The following TCERG1L variants were observed in gnomAD, a reference collection of about 807,000 sequenced individuals.
The protein encoded by TCERG1L is transcription elongation regulator 1-like protein.
TCERG1L carries 37 observed loss-of-function variants against 56.3 expected under a neutral mutation model. That is an observed-to-expected ratio of 0.66 (90% CI 0.51 to 0.87). The LOEUF (loss-of-function observed/expected upper bound fraction) is 0.87, where lower values mean the gene tolerates loss of function less well. TCERG1L is among the 40% of genes least tolerant of loss of function. The probability of loss-of-function intolerance (pLI) is 0.00; values close to 1 mark genes in which losing one functional copy is unlikely to be tolerated. For missense variants in TCERG1L, 799 were observed against 774.2 expected (o/e 1.03, Z -0.38); for synonymous variants, 324 against 326.3 (o/e 0.99, Z 0.08).
At chr10:131,165,221 G>A (rs889527568) in intron 5 of TCERG1L, among the ~76,000 whole-genome samples, 11 of 152,262 alleles carry the variant, frequency 7.2e-5, no homozygotes, top group African/African-American at 2.6e-4. Flanking sequence ...AGAGATGCCA[G>A]CCCAGAGGGA....
chr10:131,167,522 G>A (rs1467671695), intron 4 of TCERG1L, among the ~76,000 whole-genome samples: 11 of 152,238 alleles, frequency 7.2e-5, no homozygotes, highest in Admixed American at 3.3e-4. Flanking sequence ...TGGGCCACGT[G>A]GGTCACAGAT....
rs1416932865 is a variant in TCERG1L at position 131,305,449 on chromosome 10, G to A, written c.670+2762C>T. ...ATCAACAGTAAGTGAGGGGTGGTCCGGTATTAGTCTCACCCCCATCTCTAC... is the reference window on the plus strand; with the variant it reads ...ATCAACAGTAAGTGAGGGGTGGTCCAGTATTAGTCTCACCCCCATCTCTAC... On this transcript the variant is annotated intron_variant, in intron 3 of 11. Transcript: ENST00000368642. Among the ~76,000 whole-genome samples, 8 of 151,980 alleles carry A rather than the reference G, an allele frequency of 5.3e-5. No homozygotes were observed. In the East Asian group the frequency reaches 1.2e-3, roughly 22 times the overall value.
intron 6 of TCERG1L, among the ~76,000 whole-genome samples, chr10:131,153,615 T>G (rs780806052): frequency 6.6e-6 from 1 of 152,206 alleles, no homozygotes; most frequent in South Asian, 2.1e-4. Flanking sequence ...TTTCCCCAGA[T>G]CCTAGGCCAG....
At chr10:131,223,262 G>A (rs560710711) in intron 4 of TCERG1L, among the ~76,000 whole-genome samples, 39 of 152,308 alleles carry the variant, frequency 2.6e-4, no homozygotes, top group African/African-American at 7.9e-4. Flanking sequence ...GGCCCCCGGG[G>A]CAAACGGCAA....
chr10:131,308,522 A>C, intron 2 of TCERG1L, 131 bp from the exon 3 acceptor site: 1 of 743,594 alleles, frequency 1.3e-6, no homozygotes, highest in South Asian at 1.9e-5. Flanking sequence ...GACTCTATAA[A>C]ACCATCATTC....
At chr10:131,119,587 C>G (rs1467244948) in intron 8 of TCERG1L, among the ~76,000 whole-genome samples, 1 of 152,226 alleles carries the variant, frequency 6.6e-6, no homozygotes, top group Admixed American at 6.5e-5. Context: ...TGTGTTGGAG[C>G]TTATTCAGCA....
intron 3 of TCERG1L, among the ~76,000 whole-genome samples, chr10:131,305,795 T>C (rs577361652): frequency 6.6e-6 from 1 of 152,068 alleles, no homozygotes; most frequent in African/African-American, 2.4e-5. Flanking sequence ...CACTTATTTC[T>C]GAATATAAAA....
At chr10:131,284,481 C>T (rs2918114) in intron 3 of TCERG1L, among the ~76,000 whole-genome samples, 29,086 of 151,484 alleles carry the variant, frequency 0.19, 3,713 homozygotes, top group Non-Finnish European at 0.28. Context: ...AAATATACAA[C>T]CTAAGGATTT....
chr10:131,231,378 C>G (rs1346270888), intron 4 of TCERG1L, among the ~76,000 whole-genome samples: 1 of 152,224 alleles, frequency 6.6e-6, no homozygotes, highest in Non-Finnish European at 1.5e-5. Context: ...CCTCCACAGC[C>G]CCACCCTTAC....
chr10:131,186,978 C>A (rs562163560), intron 4 of TCERG1L, among the ~76,000 whole-genome samples: 48 of 152,300 alleles, frequency 3.2e-4, no homozygotes, highest in Middle Eastern at 6.8e-3. Flanking sequence ...CTGACCTTGA[C>A]CCCACACCTC....
At chr10:131,121,366 C>T (rs1353992207) in intron 8 of TCERG1L, among the ~76,000 whole-genome samples, 1 of 152,198 alleles carries the variant, frequency 6.6e-6, no homozygotes, top group African/African-American at 2.4e-5. Flanking sequence ...GGACCTTACT[C>T]ATGGTAAGAT....
At chr10:131,194,680 G>A (rs1281274143) in intron 4 of TCERG1L, among the ~76,000 whole-genome samples, 2 of 152,026 alleles carry the variant, frequency 1.3e-5, no homozygotes, top group African/African-American at 4.8e-5. Context: ...TTGCACGGTG[G>A]TCTTGTTTGC....
intron 4 of TCERG1L, among the ~76,000 whole-genome samples, chr10:131,188,211 T>A (rs1461573710): frequency 6.6e-6 from 1 of 152,242 alleles, no homozygotes; most frequent in Admixed American, 6.5e-5. Context: ...GTTCCCTGCC[T>A]GTTTCTGATA....
intron 3 of TCERG1L, among the ~76,000 whole-genome samples, chr10:131,277,459 A>G (rs1379274353): frequency 6.6e-6 from 1 of 152,184 alleles, no homozygotes; most frequent in African/African-American, 2.4e-5. Flanking sequence ...TGGCCTAGAC[A>G]TGAGCCACAA....
At chr10:131,278,821 G>A (rs955359877) in intron 3 of TCERG1L, among the ~76,000 whole-genome samples, 4 of 151,968 alleles carry the variant, frequency 2.6e-5, no homozygotes, top group Non-Finnish European at 4.4e-5. Context: ...CAAGGAGGAA[G>A]TGCTCCTCCC....
intron 8 of TCERG1L, among the ~76,000 whole-genome samples, chr10:131,120,086 G>A (rs368607571): frequency 6.6e-6 from 1 of 152,120 alleles, no homozygotes; most frequent in East Asian, 1.9e-4. Flanking sequence ...CTAAGCAGGG[G>A]TGCTCTCTTC....
chr10:131,291,401 C>CTTT lies in TCERG1L; in HGVS notation c.670+16807_670+16809dup, dbSNP rs71009957. 5.5e-3 allele frequency among the ~76,000 whole-genome samples: 203 copies of CTTT among 36,592 alleles called. 72 individuals are homozygous for CTTT. The highest frequency in any genetic ancestry group is 6.5e-3 in the Non-Finnish European group (127 of 19,564). 24.0% of individuals were successfully genotyped at this position (36,592 alleles called of 152,430 possible). ...TGTGTATATTCCATAAACAGCATTT[C>CTTT]TTTTTTTTTTTTTTTTTTTTTTTTT... On this transcript the variant is annotated intron_variant, in intron 3 of 11. Transcript: ENST00000368642.
At chr10:131,141,059 T>C (rs1845733464) in intron 7 of TCERG1L, among the ~76,000 whole-genome samples, 1 of 152,184 alleles carries the variant, frequency 6.6e-6, no homozygotes, top group African/African-American at 2.4e-5. Flanking sequence ...GAGCTGCAAC[T>C]ACCCCGAATA....
chr10:131,195,381 G>A (rs1189923317), intron 4 of TCERG1L, among the ~76,000 whole-genome samples: 1 of 152,174 alleles, frequency 6.6e-6, no homozygotes, highest in African/African-American at 2.4e-5. Context: ...GAGAGGCTCG[G>A]GGCCCTGCAA....
Sources: gnomAD v4.1 joint callset for allele counts (sites outside exome capture counted in the v4.1 genomes callset) on GRCh38, gnomAD v4.1.1 for gene constraint, MANE v1.5 for transcripts, NCBI Gene and HGNC (gene_info 2026-07-23, HGNC 2026-07-21) for gene names.